Variants in MED13L observed in about 807,000 individuals in gnomAD.
MED13L encodes the protein mediator of RNA polymerase II transcription subunit 13-like.
In MED13L, 7 loss-of-function variants were observed where a neutral mutation model predicts 220.9. The observed-to-expected ratio is 0.03, with a 90% CI of 0.02 to 0.06. The LOEUF (loss-of-function observed/expected upper bound fraction) is 0.06. Ranked by LOEUF, MED13L falls within the 10% of genes least tolerant of loss-of-function variation. MED13L has a pLI of 1.00. For missense variants in MED13L, 1,965 were observed against 2,760.5 expected (o/e 0.71, Z 6.46); for synonymous variants, 1,011 against 1,015.2 (o/e 1.00, Z 0.08).
chr12:116,029,826 T>C (rs1022704778), intron 4 of MED13L, among the ~76,000 whole-genome samples: 1 of 152,164 alleles, frequency 6.6e-6, no homozygotes, highest in East Asian at 1.9e-4. Context: ...ATACCATGGC[T>C]TTCCACAAAG....
rs569302655 is a variant in MED13L, at chr12:116,227,916, C to CA, written c.310+9551dup. ...GAGCCAAGAAGCCAAGCTGTGAATGCAAAAAAAATAAATAAATAAAAAATT... is the reference window on the plus strand; with the variant it reads ...GAGCCAAGAAGCCAAGCTGTGAATGCAAAAAAAAATAAATAAATAAAAAATT... On this transcript the variant is annotated intron_variant, in intron 2 of 30. Transcript: ENST00000281928. 4.7e-3 allele frequency among the ~76,000 whole-genome samples: 709 copies of CA among 150,240 alleles called. 1 individual carries two copies. The highest frequency in any genetic ancestry group is 0.01 in the Middle Eastern group (3 of 292).
At chr12:116,055,445 T>C (rs779800988) in intron 4 of MED13L, among the ~76,000 whole-genome samples, 12 of 152,314 alleles carry the variant, frequency 7.9e-5, no homozygotes, top group East Asian at 1.9e-4. Context: ...TTCAGAGATA[T>C]AGAGGAGTCA....
intron 23 of MED13L, chr12:115,980,455 C>T: frequency 2.6e-6 from 1 of 386,206 alleles, no homozygotes; most frequent in South Asian, 2.5e-5. Context: ...TCCCAAACAG[C>T]CAGGACTACC....
At chr12:116,235,098 T>C (rs1476726694) in intron 2 of MED13L, among the ~76,000 whole-genome samples, 1 of 152,212 alleles carries the variant, frequency 6.6e-6, no homozygotes, top group Non-Finnish European at 1.5e-5. Context: ...ACTGCTATCG[T>C]ATTTCCCCTT....
intron 16 of MED13L, among the ~76,000 whole-genome samples, chr12:115,995,515 G>C (rs150785470): frequency 1.3e-5 from 2 of 151,892 alleles, no homozygotes; most frequent in African/African-American, 2.4e-5. Context: ...CCTCCGCCTC[G>C]TGAGTTCAAG....
intron 4 of MED13L, among the ~76,000 whole-genome samples, chr12:116,035,566 C>G (rs1447813086): frequency 2.0e-5 from 3 of 151,930 alleles, no homozygotes; most frequent in African/African-American, 4.8e-5. Context: ...CAGTAAGTAA[C>G]ACTAAAACTA....
At chr12:115,970,476 T>G in intron 27 of MED13L, 118 bp downstream of exon 27, 1 of 1,049,986 alleles carries the variant, frequency 9.5e-7, no homozygotes, top group Non-Finnish European at 1.4e-6. Context: ...TATCCCCTCT[T>G]TATAGTTCCT....
rs551910861 is a variant in MED13L at position 116,273,926 on chromosome 12, C to T, written c.72+3134G>A. 3.9e-5 allele frequency among the ~76,000 whole-genome samples: 6 copies of T among 152,296 alleles called. No individual in the cohort carries two copies. In the East Asian group the frequency reaches 1.2e-3, roughly 29 times the overall value. On this transcript the variant is annotated intron_variant, in intron 1 of 30. Transcript: ENST00000281928. Reference sequence around the variant, plus strand: ...ACATACCATAGGGTGCACTGTTACACTTTTCAAAAAGGCAGATTTAACACA... The same window carrying T: ...ACATACCATAGGGTGCACTGTTACATTTTTCAAAAAGGCAGATTTAACACA...
chr12:116,134,926 T>C (rs1328019412), intron 2 of MED13L, among the ~76,000 whole-genome samples: 1 of 152,058 alleles, frequency 6.6e-6, no homozygotes, highest in Non-Finnish European at 1.5e-5. Context: ...CCCCAGCACT[T>C]TGGGAGACTG....
Position 115,983,187 on chromosome 12 carries a change from T to C in MED13L, c.4885A>G (p.Asn1629Asp). 4 of 1,614,166 alleles carry C rather than the reference T, an allele frequency of 2.5e-6. No homozygotes were observed. The highest frequency in any genetic ancestry group is 3.4e-6 in the Non-Finnish European group (4 of 1,180,022). The change falls in exon 21 of 31, where the codon AAC becomes GAC. Residue 1629 changes from asparagine (N) to aspartate (D), a missense_variant. Asn to Asp is a conservative substitution (Grantham distance 23, BLOSUM62 1). Transcript: ENST00000281928. ...TCAGTGTCTCCACCACAGCCTATGT[T>C]CCCTTGCGTTCTATCCGCAGAAATG... is the stretch of plus-strand genomic sequence containing the variant. ...GGISADRTQG[N>D]IGCGGDTDPG... is the part of the protein sequence containing the mutation.
chr12:116,083,554 G>A (rs1472724023), intron 4 of MED13L, among the ~76,000 whole-genome samples: 1 of 152,072 alleles, frequency 6.6e-6, no homozygotes, highest in Non-Finnish European at 1.5e-5. Flanking sequence ...ATTAAGAATG[G>A]GAGTTATAAT....
chr12:115,969,237 A>T, intron 27 of MED13L, 140 bp from the exon 28 acceptor site: 6 of 930,246 alleles, frequency 6.4e-6, no homozygotes, highest in Non-Finnish European at 5.0e-6. Context: ...ACTTAGATTC[A>T]GTTAGGACCT....
At chr12:116,252,954 A>T (rs983657734) in intron 1 of MED13L, among the ~76,000 whole-genome samples, 2 of 152,042 alleles carry the variant, frequency 1.3e-5, no homozygotes, top group African/African-American at 4.8e-5. Flanking sequence ...AATCTGAACA[A>T]CTCTATATCT....
At chr12:116,074,256 G>T (rs1387550122) in intron 4 of MED13L, among the ~76,000 whole-genome samples, 1 of 152,100 alleles carries the variant, frequency 6.6e-6, no homozygotes, top group African/African-American at 2.4e-5. Context: ...GTAGCCGGGG[G>T]TGGTGGTGCA....
intron 4 of MED13L, among the ~76,000 whole-genome samples, chr12:116,073,929 AGAG>A (rs1317286794): frequency 6.6e-6 from 1 of 152,234 alleles, no homozygotes; most frequent in Admixed American, 6.5e-5. Flanking sequence ...ATCCTGCATC[AGAG>A]AAGAATAAGA....
intron 2 of MED13L, chr12:116,174,988 G>A (rs932259736): frequency 1.3e-5 from 2 of 152,324 alleles, no homozygotes; most frequent in African/African-American, 4.8e-5. Flanking sequence ...CTTGAGCCCA[G>A]GAGTTAGAGA....
Position 116,007,515 on chromosome 12 carries a change from C to T in MED13L, c.2134G>A (p.Val712Met). ...SQQPGDSLGE[V>M]NDPYTFEDGD... is the part of the protein sequence containing the mutation. ...TCTTCAAAGGTATATGGGTCATTCACTTCTCCCAAACTGTCTCCAGGTTGT... is the reference window on the plus strand; with the variant it reads ...TCTTCAAAGGTATATGGGTCATTCATTTCTCCCAAACTGTCTCCAGGTTGT... The change falls in exon 11 of 31, where the codon GTG (valine) becomes ATG (methionine). Residue 712 changes from valine to methionine, a missense_variant. Around this residue, in one of 10 missense-constraint regions of MED13L, gnomAD observed 818 missense variants for 1,041.2 expected, o/e 0.79. Coordinates refer to ENST00000281928, the MANE Select transcript of MED13L (RefSeq NM_015335.5). 1 of 1,613,932 alleles carries T rather than the reference C, an allele frequency of 6.2e-7. No homozygotes were observed. The highest frequency in any genetic ancestry group is 8.5e-7 in the Non-Finnish European group (1 of 1,179,924).
intron 4 of MED13L, among the ~76,000 whole-genome samples, chr12:116,073,831 C>T (rs539633163): frequency 1.3e-5 from 2 of 152,290 alleles, no homozygotes; most frequent in South Asian, 4.1e-4. Context: ...ATGGATCATA[C>T]CTTCTTTCTC....
intron 23 of MED13L, among the ~76,000 whole-genome samples, chr12:115,976,925 C>T (rs1876979294): frequency 6.6e-6 from 1 of 152,166 alleles, no homozygotes; most frequent in South Asian, 2.1e-4. Flanking sequence ...CTTTGGGAGG[C>T]TGAAGTGGGA....
Sources: gnomAD v4.1 joint callset for allele counts (sites outside exome capture counted in the v4.1 genomes callset) on GRCh38, gnomAD v4.1.1 for gene constraint, gnomAD v4.1.1 regional missense constraint, MANE v1.5 for transcripts, NCBI Gene and HGNC (gene_info 2026-07-23, HGNC 2026-07-21) for gene names.